LAMB4: variants seen among roughly 807,000 people sequenced by gnomAD.
LAMB4 encodes laminin subunit beta 4.
Under a neutral mutation model 199.2 loss-of-function variants are expected in LAMB4, and 196 were observed. That is an observed-to-expected ratio of 0.98 (90% CI 0.88 to 1.11). The LOEUF is 1.11. Ranked by LOEUF, LAMB4 falls within the 50% of genes least tolerant of loss-of-function variation. LAMB4 has a pLI of 0.00. For synonymous variants in LAMB4, 744 were observed against 770.6 expected, an observed-to-expected ratio of 0.97 and a Z score of 0.57; for missense variants, 2,080 against 2,171.2, an observed-to-expected ratio of 0.96 and a Z score of 0.83.
chr7:108,021,049 G>A (rs1405391463), downstream of LAMB4, among the ~76,000 whole-genome samples: 3 of 152,064 alleles, frequency 2.0e-5, no homozygotes, highest in Admixed American at 1.3e-4. Context: ...CCTCCTGAGT[G>A]GTTACAAAGA....
chr7:108,050,210 A>T (rs142608240), intron 26 of LAMB4, among the ~76,000 whole-genome samples: 245 of 152,310 alleles, frequency 1.6e-3, no homozygotes, highest in Non-Finnish European at 2.5e-3. Flanking sequence ...CTGAACCCTG[A>T]TGTTGAGGCT....
At chr7:108,114,716 T>C (rs1406265059) in intron 3 of LAMB4, among the ~76,000 whole-genome samples, 2 of 152,344 alleles carry the variant, frequency 1.3e-5, no homozygotes, top group Middle Eastern at 3.4e-3. Flanking sequence ...TGGAAAAGCC[T>C]GGACCACTAA....
intron 10 of LAMB4, among the ~76,000 whole-genome samples, chr7:108,099,205 TGGG>T (rs1167521327): frequency 6.6e-6 from 1 of 152,116 alleles, no homozygotes; most frequent in African/African-American, 2.4e-5. Flanking sequence ...TTGGTTTTGT[TGGG>T]GGGAAATCTG....
At chr7:108,036,697 T>G (rs2035242669) in intron 30 of LAMB4, among the ~76,000 whole-genome samples, 1 of 152,014 alleles carries the variant, frequency 6.6e-6, no homozygotes, top group African/African-American at 2.4e-5. Flanking sequence ...CAGCACCCCA[T>G]GCTCATAAAA....
intron 2 of LAMB4, among the ~76,000 whole-genome samples, chr7:108,118,606 C>T (rs2150688600): frequency 1.3e-5 from 2 of 152,122 alleles, no homozygotes; most frequent in South Asian, 4.1e-4. Flanking sequence ...GAACTGCAAG[C>T]AAAACCTCAC....
At chr7:108,108,164 G>A (rs1394256659) in intron 5 of LAMB4, among the ~76,000 whole-genome samples, 2 of 152,034 alleles carry the variant, frequency 1.3e-5, no homozygotes, top group Admixed American at 6.6e-5. Context: ...AAACTCCTGG[G>A]CTCAAATGCC....
At position 108,104,469 on chromosome 7, in the gene LAMB4, A is replaced by C. The variant is rs549765221; in HGVS notation, c.991+30T>G. On this transcript the variant is annotated intron_variant, in intron 9 of 33. Transcript: ENST00000388781. The stretch of plus-strand genomic sequence containing the variant: ...AAATAAGGAAATGCAGAGCACACTC[A>C]GTCTATGCAGGGAACTGAGTTTCAC... 3.8e-5 allele frequency: 62 copies of C among 1,613,182 alleles called. No homozygotes were observed. In the Admixed American group the frequency reaches 5.5e-4, roughly 14 times the overall value.
intron 24 of LAMB4, among the ~76,000 whole-genome samples, chr7:108,057,221 C>G (rs1473323772): frequency 6.6e-6 from 1 of 152,104 alleles, no homozygotes; most frequent in African/African-American, 2.4e-5. Flanking sequence ...TACTGCTTCT[C>G]TATAAAAGAT....
At chr7:108,106,474 TA>T (rs765414349) in intron 7 of LAMB4, 34 bp downstream of exon 7, 1 of 1,274,094 alleles carries the variant, frequency 7.8e-7, no homozygotes, top group Admixed American at 2.2e-5. Context: ...GAAATTTTTT[TA>T]AAGCTGATAT....
intron 17 of LAMB4, among the ~76,000 whole-genome samples, chr7:108,073,194 C>T (rs1203311850): frequency 5.9e-5 from 9 of 152,122 alleles, no homozygotes; most frequent in East Asian, 1.9e-4. Flanking sequence ...TTAGTAGAGA[C>T]GGGGTTTTGC....
In LAMB4 at chr7:108,078,446, T is replaced by C. The variant is rs532717995; in HGVS notation, c.1888-130A>G. 6.9e-5 allele frequency: 42 copies of C among 612,006 alleles called. 1 individual carries two copies. In the South Asian group the frequency reaches 7.9e-4, roughly 11 times the overall value. The allele number at this position is 612,006 out of a possible 1,614,324, so 37.9% of individuals were successfully genotyped here. On this transcript the variant is annotated intron_variant, in intron 15 of 33. Coordinates refer to ENST00000388781, the MANE Select transcript of LAMB4 (RefSeq NM_007356.3). ...CCCCTAGGCCACTTGGCAAAGAGTT[T>C]TGGAGTTGAAAGAGTCTTAGAGGTT...
intron 30 of LAMB4, among the ~76,000 whole-genome samples, chr7:108,036,233 AGGCTGGAGTGCAAC>A (rs2035225770): frequency 6.7e-6 from 1 of 149,912 alleles, no homozygotes; most frequent in South Asian, 2.1e-4. Context: ...TTTGTTGCCC[AGGCTGGAGTGCAAC>A]GGCGCAATCT....
intron 1 of LAMB4, among the ~76,000 whole-genome samples, chr7:108,126,550 C>CTTTCTT (rs1444070130): frequency 2.2e-5 from 1 of 45,458 alleles, no homozygotes; most frequent in African/African-American, 9.2e-5. Flanking sequence ...GTCAGAATTT[C>CTTTCTT]TTTCTTTTTT....
chr7:108,113,765 T>C (rs1412795777), intron 3 of LAMB4, among the ~76,000 whole-genome samples: 3 of 152,202 alleles, frequency 2.0e-5, no homozygotes, highest in Non-Finnish European at 4.4e-5. Flanking sequence ...AGTTCCATCT[T>C]GGATAATTTA....
At chr7:108,043,545 GTTTTTTTT>G (rs748169558) in intron 29 of LAMB4, among the ~76,000 whole-genome samples, 199 bp downstream of exon 29, 1 of 56,002 alleles carries the variant, frequency 1.8e-5, no homozygotes, top group African/African-American at 1.5e-4. Flanking sequence ...TGGCTATGAT[GTTTTTTTT>G]TTTTTTTTTT....
rs778119716 is a variant in LAMB4, at chr7:108,055,925, G to T, written c.3462C>A (p.Ser1154Arg). Residue 1154 changes from serine to arginine, a missense_variant, in exon 25 of 34, where the codon AGC becomes AGA. Transcript: ENST00000388781. The stretch of plus-strand genomic sequence containing the variant: ...GGGCACAGCGATCACATCTCTGGCC[G>T]CTGACACCCTCCCGGCAGCGGCACA... ...TGMCRCREGV[S>R]GQRCDRCARG... The T allele has an allele frequency of 3.1e-6, 5 of 1,614,126 alleles. No homozygotes were observed. The highest frequency in any genetic ancestry group is 3.4e-6 in the Non-Finnish European group (4 of 1,180,004).
chr7:108,049,008 T>C (rs1321921940), intron 27 of LAMB4, among the ~76,000 whole-genome samples: 1 of 152,186 alleles, frequency 6.6e-6, no homozygotes, highest in African/African-American at 2.4e-5. Context: ...TGTATTCTTT[T>C]GAGAGAATTA....
chr7:108,068,680 TTTTGTTTG>T (rs200857035), intron 18 of LAMB4, among the ~76,000 whole-genome samples: 1 of 151,246 alleles, frequency 6.6e-6, no homozygotes, highest in East Asian at 2.0e-4. Context: ...CTTACTAGTG[TTTTGTTTG>T]TTTGTTTGTT....
At chr7:108,105,533 A>G (rs2037972432) in intron 8 of LAMB4, among the ~76,000 whole-genome samples, 1 of 152,264 alleles carries the variant, frequency 6.6e-6, no homozygotes, top group South Asian at 2.1e-4. Context: ...GCTCTACAAA[A>G]TAAATGAAAA....
Sources: gnomAD v4.1 joint callset for allele counts (sites outside exome capture counted in the v4.1 genomes callset) on GRCh38, gnomAD v4.1.1 for gene constraint, MANE v1.5 for transcripts, NCBI Gene and HGNC (gene_info 2026-07-23, HGNC 2026-07-21) for gene names.